The following WSCD2 variants were observed in gnomAD, a reference collection of about 807,000 sequenced individuals.
WSCD2 encodes WSC domain sialate O sulfotransferase 2.
In WSCD2, 28 loss-of-function variants were observed where a neutral mutation model predicts 55.7. That is an observed-to-expected ratio of 0.50 (90% confidence interval 0.37 to 0.69). The LOEUF is 0.69. WSCD2 is among the 30% of genes least tolerant of loss of function. The pLI is 0.00. For synonymous variants in WSCD2, 301 were observed against 301.9 expected (o/e 1.00, Z 0.03); for missense variants, 616 against 762.1 (o/e 0.81, Z 2.26).
intron 2 of WSCD2, 52 bp from the exon 3 acceptor site, chr12:108,206,237 A>C: frequency 1.0e-4 from 155 of 1,497,462 alleles, no homozygotes; most frequent in Middle Eastern, 3.4e-4. Flanking sequence ...TTCCTCCTGT[A>C]ACCCTTGCAG....
At chr12:108,171,615 A>C (rs1188519683) in intron 1 of WSCD2, 5 of 152,250 alleles carry the variant, frequency 3.3e-5, no homozygotes, top group Non-Finnish European at 7.3e-5. Flanking sequence ...TTTTTAACAT[A>C]ACTTCTAGAA....
At position 108,183,343 on chromosome 12, in the gene WSCD2, T is replaced by C. The variant is rs547221913; in HGVS notation, c.-551-11939T>C. Reference sequence around the variant, plus strand: ...GAAGTGGGAATAAGGATTCCTGCCATGTGTTATAAATGGGTATGGCCTGAT... The same window carrying C: ...GAAGTGGGAATAAGGATTCCTGCCACGTGTTATAAATGGGTATGGCCTGAT... On this transcript the variant is annotated intron_variant, in intron 1 of 8. Transcript: ENST00000547525. 5.9e-5 allele frequency among the ~76,000 whole-genome samples: 9 copies of C among 152,292 alleles called. No homozygotes were observed. In the South Asian group the frequency reaches 1.7e-3, roughly 28 times the overall value.
At chr12:108,156,234 C>T (rs991907241) in intron 1 of WSCD2, among the ~76,000 whole-genome samples, 10 of 152,158 alleles carry the variant, frequency 6.6e-5, no homozygotes, top group African/African-American at 2.4e-4. Context: ...CAGGCAGGCT[C>T]AGGTCCGTGT....
chr12:108,248,492 A>G lies in WSCD2; in HGVS notation c.*149A>G, dbSNP rs1593138325. ...TCTTTGCCTTCAATGAGTTTCCTGC[A>G]TGACAGAGGAGGCTCAAGGGAAGAG... is the stretch of plus-strand genomic sequence containing the variant. On this transcript the variant is annotated 3_prime_UTR_variant, in exon 9 of 9. Transcript: ENST00000547525. The surrounding 1 kb of genome is among the most constrained non-coding windows in gnomAD (Gnocchi z 4.3). The G allele has an allele frequency of 1.4e-6, 2 of 1,430,560 alleles. No homozygotes were observed. Among genetic ancestry groups the G allele is most frequent in the Non-Finnish European group, 9.1e-7 (1 of 1,095,984 alleles). 88.6% of individuals were successfully genotyped at this position (1,430,560 alleles called of 1,614,324 possible).
At chr12:108,137,237 A>G (rs1565910053) in intron 1 of WSCD2, among the ~76,000 whole-genome samples, 1 of 152,258 alleles carries the variant, frequency 6.6e-6, no homozygotes, top group African/African-American at 2.4e-5. Flanking sequence ...TAATTTTCAC[A>G]TAGCTCTTAG....
At chr12:108,139,074 A>G (rs1876513634) in intron 1 of WSCD2, among the ~76,000 whole-genome samples, 1 of 152,294 alleles carries the variant, frequency 6.6e-6, no homozygotes, top group East Asian at 1.9e-4. Context: ...TGTGCTTAGC[A>G]CCATCAGATG....
chr12:108,213,449 G>A (rs1886463987), intron 4 of WSCD2, among the ~76,000 whole-genome samples: 1 of 152,150 alleles, frequency 6.6e-6, no homozygotes, highest in African/African-American at 2.4e-5. Context: ...TGCTATGTTG[G>A]AAGCACCTTT....
At chr12:108,240,580 G>T (rs769556454) in intron 8 of WSCD2, 36 bp downstream of exon 8, 3 of 1,461,712 alleles carry the variant, frequency 2.1e-6, no homozygotes, top group Admixed American at 1.7e-5. Context: ...GGAGGGGAGG[G>T]GCTTCGGGCT....
At chr12:108,223,865 G>GT (rs1887794809) in intron 4 of WSCD2, among the ~76,000 whole-genome samples, 2 of 152,206 alleles carry the variant, frequency 1.3e-5, no homozygotes, top group Non-Finnish European at 2.9e-5. Flanking sequence ...GGCCAACTCT[G>GT]TAGTGCAATT....
At chr12:108,247,619 C>T (rs1191154922) in intron 8 of WSCD2, among the ~76,000 whole-genome samples, 1 of 152,112 alleles carries the variant, frequency 6.6e-6, no homozygotes, top group Non-Finnish European at 1.5e-5. Context: ...GCAGTGGCAT[C>T]ATCATAGCTC....
Position 108,143,883 on chromosome 12 carries a change from G to A in WSCD2, c.-552+13957G>A, listed in dbSNP as rs1466439509. Among the ~76,000 whole-genome samples the A allele has an allele frequency of 2.6e-5, 4 of 152,096 alleles. No individual in the cohort carries two copies. In the East Asian group the frequency reaches 5.8e-4, roughly 22 times the overall value. ...GATGGCACCAGGGATGCAGGGGGGC[G>A]GTCACAAATCCAGATGCCTCCAGGA... is the stretch of plus-strand genomic sequence containing the variant. On this transcript the variant is annotated intron_variant, in intron 1 of 8. Coordinates refer to ENST00000547525, the MANE Select transcript of WSCD2 (RefSeq NM_014653.4).
At chr12:108,145,863 G>A (rs1877330467) in intron 1 of WSCD2, among the ~76,000 whole-genome samples, 1 of 152,174 alleles carries the variant, frequency 6.6e-6, no homozygotes, top group African/African-American at 2.4e-5. Context: ...GAAAAAACCA[G>A]CTACAAAAGG....
chr12:108,208,144 T>C (rs1177362724), intron 3 of WSCD2, among the ~76,000 whole-genome samples: 1 of 152,138 alleles, frequency 6.6e-6, no homozygotes, highest in Admixed American at 6.5e-5. Context: ...GTGCTGGAGA[T>C]GAAGAGATGA....
intron 1 of WSCD2, among the ~76,000 whole-genome samples, chr12:108,175,592 A>G (rs1880723539): frequency 6.6e-6 from 1 of 152,222 alleles, no homozygotes; most frequent in African/African-American, 2.4e-5. Flanking sequence ...CAGAGCAAAA[A>G]TAACCCCAGT....
chr12:108,239,473 C>G (rs971305663), intron 7 of WSCD2, among the ~76,000 whole-genome samples: 7 of 152,142 alleles, frequency 4.6e-5, no homozygotes, highest in Admixed American at 2.0e-4. Context: ...TCCCCCATCC[C>G]CCACCCCCAG....
At chr12:108,215,779 T>C (rs2137124474) in intron 4 of WSCD2, among the ~76,000 whole-genome samples, 1 of 152,304 alleles carries the variant, frequency 6.6e-6, no homozygotes, top group South Asian at 2.1e-4. Context: ...AGCTGATGCC[T>C]GGTGACATTT....
At chr12:108,240,684 G>A in intron 8 of WSCD2, 140 bp downstream of exon 8, 1 of 1,009,484 alleles carries the variant, frequency 9.9e-7, no homozygotes, top group Non-Finnish European at 1.4e-6. Context: ...ATCCTGGAGG[G>A]CGCGTGTCAT....
In WSCD2 at chr12:108,248,757, C is replaced by G. The variant is rs565589112; in HGVS notation, c.*414C>G. 1.9e-5 allele frequency: 19 copies of G among 997,500 alleles called. No individual in the cohort carries two copies. In the South Asian group the frequency reaches 7.2e-4, roughly 38 times the overall value. 61.8% of individuals were successfully genotyped at this position (997,500 alleles called of 1,614,324 possible). A position where few individuals can be genotyped will look rare whatever the true frequency, so the allele number is the denominator to read the frequency against. Reference sequence around the variant, plus strand: ...AGGGGGCTATTGTAAAAACTTGGCCCCAGATGCTTGTCCCTTCTGGGCTGA... The same window carrying G: ...AGGGGGCTATTGTAAAAACTTGGCCGCAGATGCTTGTCCCTTCTGGGCTGA... On this transcript the variant is annotated 3_prime_UTR_variant, in exon 9 of 9. Transcript: ENST00000547525. The surrounding 1 kb of genome is among the most constrained non-coding windows in gnomAD (Gnocchi z 4.3).
intron 1 of WSCD2, among the ~76,000 whole-genome samples, chr12:108,181,570 T>C (rs1029715348): frequency 1.3e-5 from 2 of 152,064 alleles, no homozygotes; most frequent in African/African-American, 4.8e-5. Context: ...GTTGGGAAAA[T>C]GGAGGCTCAG....
Sources: allele counts gnomAD v4.1 joint callset (sites outside exome capture counted in the v4.1 genomes callset), GRCh38; gene constraint gnomAD v4.1.1; non-coding constraint Gnocchi (gnomAD v3.1); transcripts MANE v1.5; gene names NCBI Gene and HGNC (gene_info 2026-07-23, HGNC 2026-07-21).